The following ELMO1 variants were observed in gnomAD, a reference collection of about 807,000 sequenced individuals.
ELMO1 encodes engulfment and cell motility protein 1.
ELMO1 carries 26 observed loss-of-function variants against 98.9 expected under a neutral mutation model. The observed-to-expected ratio is 0.26, with a 90% CI of 0.19 to 0.36. The LOEUF is 0.36. ELMO1 is among the 10% of genes least tolerant of loss of function. The pLI is 1.00. For missense variants in ELMO1, 627 were observed against 935.2 expected (o/e 0.67, Z 4.30); for synonymous variants, 346 against 346.0 (o/e 1.00, Z 0.00).
intron 13 of ELMO1, among the ~76,000 whole-genome samples, chr7:37,178,853 T>C (rs1214699680): frequency 1.3e-5 from 2 of 152,020 alleles, no homozygotes; most frequent in African/African-American, 4.8e-5. Flanking sequence ...CTAGGAAATA[T>C]CAAGGCCATT....
intron 16 of ELMO1, among the ~76,000 whole-genome samples, chr7:36,983,544 C>T (rs1321083117): frequency 1.3e-5 from 2 of 152,178 alleles, no homozygotes; most frequent in African/African-American, 4.8e-5. Context: ...CAGTTCCTAG[C>T]TGGATAAACA....
chr7:37,092,480 A>G (rs1486989193), intron 15 of ELMO1, among the ~76,000 whole-genome samples: 6 of 143,674 alleles, frequency 4.2e-5, no homozygotes, highest in African/African-American at 2.6e-5. Context: ...CCAGGTTCAC[A>G]CCATTCTCCT....
At chr7:37,443,450 T>G (rs1389320495) in intron 1 of ELMO1, among the ~76,000 whole-genome samples, 2 of 152,232 alleles carry the variant, frequency 1.3e-5, no homozygotes, top group Non-Finnish European at 2.9e-5. Context: ...CTCAGCACTA[T>G]GCCAGTTTGT....
intron 13 of ELMO1, among the ~76,000 whole-genome samples, chr7:37,176,631 T>G (rs571961643): frequency 4.7e-4 from 72 of 152,342 alleles, no homozygotes; most frequent in African/African-American, 1.6e-3. Context: ...TGTGAGATAA[T>G]GCTTCAAGTA....
chr7:36,973,755 G>C (rs1255946860), intron 16 of ELMO1, among the ~76,000 whole-genome samples: 2 of 152,188 alleles, frequency 1.3e-5, no homozygotes, highest in South Asian at 2.1e-4. Flanking sequence ...GGAGAGGCGC[G>C]AGCGGGAACC....
At chr7:37,431,414 T>C (rs1804928169) in intron 1 of ELMO1, among the ~76,000 whole-genome samples, 1 of 152,188 alleles carries the variant, frequency 6.6e-6, no homozygotes, top group Admixed American at 6.5e-5. Flanking sequence ...ATGATCATAG[T>C]GTTTCTAAAA....
intron 1 of ELMO1, among the ~76,000 whole-genome samples, chr7:37,348,921 T>C (rs1245851911): frequency 6.6e-6 from 1 of 152,248 alleles, no homozygotes; most frequent in African/African-American, 2.4e-5. Flanking sequence ...CTGCAATGGC[T>C]TTGAACCTTT....
Position 37,063,809 on chromosome 7 carries a change from C to T in ELMO1, c.1300+32810G>A, listed in dbSNP as rs116721369. 1.7e-3 allele frequency among the ~76,000 whole-genome samples: 260 copies of T among 152,246 alleles called. 5 individuals carry two copies. Among genetic ancestry groups the T allele is most frequent in the African/African-American group, 5.9e-3 (247 of 41,540 alleles). Reference sequence around the variant, plus strand: ...ATTGCAACACTCAAGTTTTTGAAGACTGCCTCCTCTCCTACCTCCTTAAGT... The same window carrying T: ...ATTGCAACACTCAAGTTTTTGAAGATTGCCTCCTCTCCTACCTCCTTAAGT... On this transcript the variant is annotated intron_variant, in intron 15 of 21. Coordinates refer to ENST00000310758, the MANE Select transcript of ELMO1 (RefSeq NM_014800.11).
At chr7:37,055,300 T>C (rs1796335405) in intron 15 of ELMO1, among the ~76,000 whole-genome samples, 1 of 152,232 alleles carries the variant, frequency 6.6e-6, no homozygotes, top group Non-Finnish European at 1.5e-5. Context: ...GTGAATGCCA[T>C]CTCTAACAAC....
At position 37,203,189 on chromosome 7, in the gene ELMO1, C is replaced by T. The variant is rs577976321; in HGVS notation, c.1086+8197G>A. 1.4e-4 allele frequency among the ~76,000 whole-genome samples: 21 copies of T among 152,262 alleles called. No individual in the cohort carries two copies. In the South Asian group the frequency reaches 4.4e-3, roughly 32 times the overall value. The stretch of plus-strand genomic sequence containing the variant: ...GAAAACCTGGACCCTTGCCTGTCCT[C>T]CTAGACCACAAAGAGGACTGAGCAA... On this transcript the variant is annotated intron_variant, in intron 13 of 21. Transcript: ENST00000310758.
rs969685333 is a variant in ELMO1, at chr7:37,334,408, C to CATG, written c.78+8204_78+8205insCAT. Among the ~76,000 whole-genome samples, 18 of 152,186 alleles carry CATG rather than the reference C, an allele frequency of 1.2e-4. No individual in the cohort carries two copies. In the East Asian group the frequency reaches 3.1e-3, roughly 26 times the overall value. On this transcript the variant is annotated intron_variant, in intron 2 of 21. Coordinates refer to ENST00000310758, the MANE Select transcript of ELMO1 (RefSeq NM_014800.11). ...TTGCAGTGAGCCAGGATTGCACCAT[C>CATG]GCACTCCAGCCGGGGCAACAAGAGC...
At chr7:36,885,751 A>C (rs963428859) in intron 18 of ELMO1, among the ~76,000 whole-genome samples, 2 of 152,200 alleles carry the variant, frequency 1.3e-5, no homozygotes, top group African/African-American at 4.8e-5. Context: ...TTGAGAGGTC[A>C]TGTGTCCTTC....
At chr7:37,072,586 T>G (rs944453672) in intron 15 of ELMO1, among the ~76,000 whole-genome samples, 1 of 152,192 alleles carries the variant, frequency 6.6e-6, no homozygotes, top group Non-Finnish European at 1.5e-5. Context: ...TTAATATCTT[T>G]AAAGCAGTAA....
intron 2 of ELMO1, among the ~76,000 whole-genome samples, chr7:37,332,703 T>C (rs778144632): frequency 2.1e-4 from 32 of 152,214 alleles, no homozygotes; most frequent in Non-Finnish European, 4.3e-4. Flanking sequence ...AGAACTCAGA[T>C]GGTGGCGTTG....
chr7:37,043,592 A>G (rs1795643360), intron 15 of ELMO1, among the ~76,000 whole-genome samples: 1 of 152,228 alleles, frequency 6.6e-6, no homozygotes, highest in South Asian at 2.1e-4. Context: ...TACTATGTGT[A>G]AATTATATCT....
chr7:37,087,110 C>CT (rs1016548883), intron 15 of ELMO1, among the ~76,000 whole-genome samples: 4 of 149,630 alleles, frequency 2.7e-5, no homozygotes, highest in Non-Finnish European at 6.0e-5. Context: ...CTGTTATAAT[C>CT]TTTTTTTTCC....
At chr7:37,260,705 G>A (rs750339701) in intron 5 of ELMO1, among the ~76,000 whole-genome samples, 1 of 152,096 alleles carries the variant, frequency 6.6e-6, no homozygotes, top group Non-Finnish European at 1.5e-5. Flanking sequence ...AGATGTGGCA[G>A]GTCTCCCATT....
At chr7:37,214,248 T>A (rs1653909922) in intron 11 of ELMO1, among the ~76,000 whole-genome samples, 1 of 152,126 alleles carries the variant, frequency 6.6e-6, no homozygotes, top group African/African-American at 2.4e-5. Flanking sequence ...ACATTAAAAA[T>A]GCCAAACAAT....
intron 15 of ELMO1, 170 bp from the exon 16 acceptor site, chr7:37,013,605 A>G (rs1008889569): frequency 4.1e-6 from 3 of 731,080 alleles, no homozygotes; most frequent in Non-Finnish European, 6.5e-6. Flanking sequence ...CCCCCATACA[A>G]CTCGGAAGTT....
Sources: gnomAD v4.1 joint callset for allele counts (sites outside exome capture counted in the v4.1 genomes callset) on GRCh38, gnomAD v4.1.1 for gene constraint, MANE v1.5 for transcripts, NCBI Gene and HGNC (gene_info 2026-07-23, HGNC 2026-07-21) for gene names.